The following NT5M variants were observed in gnomAD, a reference collection of about 807,000 sequenced individuals.
NT5M encodes 5',3'-nucleotidase, mitochondrial, also known as 5'(3')-deoxyribonucleotidase, mitochondrial.
NT5M carries 22 observed loss-of-function variants against 22.2 expected under a neutral mutation model. The ratio of observed to expected loss-of-function variants is 0.99; its 90% confidence interval spans 0.71 to 1.41. The LOEUF is 1.41. Ranked by LOEUF, NT5M falls within the 40% of genes most tolerant of loss-of-function variation. The pLI, the probability that NT5M is intolerant of heterozygous loss-of-function variation, is 0.00. For synonymous variants in NT5M, 167 were observed against 133.0 expected (o/e 1.26, Z -1.76); for missense variants, 322 against 314.8 (o/e 1.02, Z -0.17).
chr17:17,347,051 T>C lies in NT5M; in HGVS notation c.*104T>C. On this transcript the variant is annotated 3_prime_UTR_variant, in exon 5 of 5. Transcript: ENST00000389022. ...GGTCTGGGAGTCCCTCCTAGACTCC[T>C]GGGCCCCATGACCTCCTGCTGCATG... The C allele has an allele frequency of 7.2e-7, 1 of 1,395,180 alleles. No homozygotes were observed. The highest frequency in any genetic ancestry group is 1.4e-5 in the South Asian group (1 of 73,434). 86.4% of individuals were successfully genotyped at this position (1,395,180 alleles called of 1,614,324 possible). A position where few individuals can be genotyped will look rare whatever the true frequency, so the allele number is the denominator to read the frequency against.
chr17:17,311,254 C>T (rs191177806), intron 2 of NT5M, among the ~76,000 whole-genome samples: 1,577 of 151,312 alleles, frequency 0.01, 9 homozygotes, highest in Non-Finnish European at 0.015. Context: ...AGGAGAATCG[C>T]GTGAACCTGG....
At chr17:17,341,492 G>A (rs2142378213) in intron 3 of NT5M, among the ~76,000 whole-genome samples, 1 of 152,298 alleles carries the variant, frequency 6.6e-6, no homozygotes, top group African/African-American at 2.4e-5. Flanking sequence ...CTGTGTGCCA[G>A]GTGCAGTACT....
rs1403044546 is a variant in NT5M, at chr17:17,346,787, C to T, written c.545-18C>T. 6.2e-6 allele frequency: 10 copies of T among 1,605,554 alleles called. No homozygotes were observed. The highest frequency in any genetic ancestry group is 4.5e-5 in the East Asian group (2 of 44,882). On this transcript the variant is annotated intron_variant, in intron 4 of 4. Transcript: ENST00000389022. Reference sequence around the variant, plus strand: ...CAGGTCTCCACTGCTGAGCTGAATGCCGCTTTCCCACCCACAGGGGCCGAG... The same window carrying T: ...CAGGTCTCCACTGCTGAGCTGAATGTCGCTTTCCCACCCACAGGGGCCGAG...
intron 3 of NT5M, among the ~76,000 whole-genome samples, chr17:17,324,239 T>C (rs1016015525): frequency 1.3e-5 from 2 of 150,902 alleles, no homozygotes; most frequent in African/African-American, 4.9e-5. Context: ...ATCCCAGAAC[T>C]CTGGGAGGCC....
At position 17,303,775 on chromosome 17, in the gene NT5M, C is replaced by G; in HGVS notation, c.225C>G (p.Phe75Leu). 6.3e-7 allele frequency: 1 copy of G among 1,579,968 alleles called. No homozygotes were observed. Among genetic ancestry groups the G allele is most frequent in the Admixed American group, 1.7e-5 (1 of 57,528 alleles). ...PFIALEDRRG[F>L]WVSEQYGRLR... is the part of the protein sequence containing the mutation. ...TCGCGCTGGAGGACCGGCGCGGCTT[C>G]TGGGTGTCGGAGCAGTACGGCCGCC... Residue 75 changes from phenylalanine (F) to leucine (L), a missense_variant, in exon 1 of 5, where the codon TTC (phenylalanine) becomes TTG (leucine). By Grantham distance (22) the Phe-to-Leu change is conservative. Coordinates refer to ENST00000389022, the MANE Select transcript of NT5M (RefSeq NM_020201.4).
chr17:17,304,671 G>A (rs1243947403), intron 1 of NT5M, among the ~76,000 whole-genome samples: 2 of 152,212 alleles, frequency 1.3e-5, no homozygotes, highest in South Asian at 2.1e-4. Flanking sequence ...CTTTTGTTGG[G>A]TAGATATTAT....
intron 3 of NT5M, among the ~76,000 whole-genome samples, chr17:17,330,177 G>A (rs183682556): frequency 0.013 from 1,906 of 151,370 alleles, 46 homozygotes; most frequent in African/African-American, 0.044. Context: ...GCGGGCGCCT[G>A]TAGTCCCAGC....
intron 2 of NT5M, among the ~76,000 whole-genome samples, chr17:17,321,461 C>T (rs1175000456): frequency 2.6e-5 from 4 of 151,714 alleles, no homozygotes; most frequent in Non-Finnish European, 5.9e-5. Flanking sequence ...GTGAGCCCGG[C>T]GGCAGGTGAG....
chr17:17,334,967 G>A (rs2049473331), intron 3 of NT5M, among the ~76,000 whole-genome samples: 2 of 151,996 alleles, frequency 1.3e-5, no homozygotes, highest in Non-Finnish European at 1.5e-5. Flanking sequence ...AACAATATTG[G>A]GTCTTCTGAT....
At chr17:17,342,498 A>G (rs556113326) in intron 3 of NT5M, among the ~76,000 whole-genome samples, 2 of 152,332 alleles carry the variant, frequency 1.3e-5, no homozygotes, top group South Asian at 2.1e-4. Flanking sequence ...GTTCAGGCAC[A>G]TGATTTGATT....
At chr17:17,331,702 G>A (rs2049389735) in intron 3 of NT5M, among the ~76,000 whole-genome samples, 1 of 151,326 alleles carries the variant, frequency 6.6e-6, no homozygotes. Context: ...CATCGTGCCT[G>A]GTCATAATAC....
intron 3 of NT5M, 41 bp from the exon 4 acceptor site, chr17:17,344,753 C>A: frequency 1.2e-6 from 2 of 1,605,092 alleles, no homozygotes; most frequent in South Asian, 1.1e-5. Flanking sequence ...GGTCTGATGT[C>A]ACTTTCTTCT....
At chr17:17,341,535 C>T (rs997473828) in intron 3 of NT5M, among the ~76,000 whole-genome samples, 3 of 152,162 alleles carry the variant, frequency 2.0e-5, no homozygotes, top group African/African-American at 7.2e-5. Context: ...CACTAAATCC[C>T]CGAAGGCACT....
chr17:17,325,726 C>T lies in NT5M; in HGVS notation c.429+2481C>T, dbSNP rs372261776. Among the ~76,000 whole-genome samples, 3 of 152,316 alleles carry T rather than the reference C, an allele frequency of 2.0e-5. No homozygotes were observed. In the East Asian group the frequency reaches 5.8e-4, roughly 29 times the overall value. Reference sequence around the variant, plus strand: ...GACCTGCAGGGCCTGCCTGCCTCTCCACCCACTGTGCCCCCCTCTCTGTGT... The same window carrying T: ...GACCTGCAGGGCCTGCCTGCCTCTCTACCCACTGTGCCCCCCTCTCTGTGT... On this transcript the variant is annotated intron_variant, in intron 3 of 4. Coordinates refer to ENST00000389022, the MANE Select transcript of NT5M (RefSeq NM_020201.4).
intron 3 of NT5M, among the ~76,000 whole-genome samples, chr17:17,343,545 A>G (rs2049693281): frequency 6.6e-6 from 1 of 152,122 alleles, no homozygotes; most frequent in South Asian, 2.1e-4. Flanking sequence ...GCGACCTCCA[A>G]CTGGAAGAAA....
At chr17:17,310,274 C>T (rs899884889) in intron 2 of NT5M, among the ~76,000 whole-genome samples, 1 of 152,080 alleles carries the variant, frequency 6.6e-6, no homozygotes, top group Non-Finnish European at 1.5e-5. Flanking sequence ...AAAAGCCAGG[C>T]ACAGTGGCTC....
intron 4 of NT5M, chr17:17,345,134 G>C: frequency 1.0e-6 from 1 of 999,862 alleles, no homozygotes; most frequent in African/African-American, 1.6e-5. Context: ...GTTAGCTTGA[G>C]GGGTGGCCTT....
chr17:17,323,368 G>A (rs1212877078), intron 3 of NT5M, 123 bp downstream of exon 3: 12 of 819,444 alleles, frequency 1.5e-5, no homozygotes, highest in African/African-American at 3.4e-5. Context: ...CTGTGACAGC[G>A]GCTTTCTGCT....
chr17:17,331,621 A>C (rs1218375458), intron 3 of NT5M, among the ~76,000 whole-genome samples: 1 of 151,244 alleles, frequency 6.6e-6, no homozygotes, highest in Admixed American at 6.6e-5. Flanking sequence ...TTAAAGACAG[A>C]GTCTCGTTCT....
Sources: allele counts gnomAD v4.1 joint callset (sites outside exome capture counted in the v4.1 genomes callset), GRCh38; gene constraint gnomAD v4.1.1; transcripts MANE v1.5; gene names NCBI Gene and HGNC (gene_info 2026-07-23, HGNC 2026-07-21).